Variants in HEBP2 observed in about 807,000 individuals in gnomAD.
HEBP2 encodes the protein heme-binding protein 2.
Under a neutral mutation model 23.1 loss-of-function variants are expected in HEBP2, and 27 were observed. The observed-to-expected ratio is 1.17, with a 90% CI of 0.86 to 1.61. HEBP2 has a LOEUF of 1.61. HEBP2 is among the 40% of genes most tolerant of loss of function. HEBP2 has a pLI of 0.00. For synonymous variants in HEBP2, 99 were observed against 95.1 expected (o/e 1.04, Z -0.24); for missense variants, 245 against 253.8 (o/e 0.97, Z 0.24).
intron 3 of HEBP2, among the ~76,000 whole-genome samples, chr6:138,408,455 A>T (rs1774686532): frequency 6.6e-6 from 1 of 152,120 alleles, no homozygotes; most frequent in African/African-American, 2.4e-5. Context: ...CTTTCCTCCA[A>T]GTTCCAACAA....
At chr6:138,405,882 A>C (rs1019848273) in intron 2 of HEBP2, 89 bp from the exon 3 acceptor site, 2 of 1,074,686 alleles carry the variant, frequency 1.9e-6, no homozygotes, top group African/African-American at 3.2e-5. Flanking sequence ...AATGTGAAGT[A>C]AATCAAGGAA....
chr6:138,403,979 G>A (rs951420838), upstream of HEBP2, among the ~76,000 whole-genome samples: 24 of 151,638 alleles, frequency 1.6e-4, no homozygotes, highest in Non-Finnish European at 2.8e-4. Flanking sequence ...CGGGGGTCGG[G>A]TCGCCAGCCG....
At chr6:138,410,806 G>T (rs1271988825) in intron 3 of HEBP2, among the ~76,000 whole-genome samples, 1 of 152,150 alleles carries the variant, frequency 6.6e-6, no homozygotes, top group African/African-American at 2.4e-5. Flanking sequence ...CTTAACCCAT[G>T]GTTCAGAATT....
intron 3 of HEBP2, chr6:138,412,309 ATT>A (rs1430056495): frequency 3.8e-6 from 1 of 259,874 alleles, no homozygotes; most frequent in African/African-American, 2.4e-5. Context: ...AGCACTTGAG[ATT>A]GTGTAGGTTC....
chr6:138,405,105 C>G (rs184504326), intron 1 of HEBP2, 40 bp from the exon 2 acceptor site: 157 of 1,604,922 alleles, frequency 9.8e-5, no homozygotes, highest in Admixed American at 6.3e-4. Context: ...CTCCTACCCT[C>G]TTAGAATTGC....
At chr6:138,404,217 G>A, upstream of HEBP2, 1 of 303,442 alleles carries the variant, frequency 3.3e-6, no homozygotes, top group Non-Finnish European at 6.0e-6. Flanking sequence ...GAAGCGAGGT[G>A]CGGCTCCCTG....
chr6:138,403,672 C>A (rs1774576811), upstream of HEBP2: 1 of 422,438 alleles, frequency 2.4e-6, no homozygotes, highest in Non-Finnish European at 4.2e-6. Flanking sequence ...AACAGAGCCG[C>A]ACCCCACTCG....
Position 138,411,087 on chromosome 6 carries a change from G to C in HEBP2, c.420-1793G>C, listed in dbSNP as rs116345855. On this transcript the variant is annotated intron_variant, in intron 3 of 3. Transcript: ENST00000607197. Reference sequence around the variant, plus strand: ...GATAACAGAACTTATACCAAAGAAGGCATATTAGGAAAAGTTTTGTTTCTC... The same window carrying C: ...GATAACAGAACTTATACCAAAGAAGCCATATTAGGAAAAGTTTTGTTTCTC... Among the ~76,000 whole-genome samples, 1,013 of 152,284 alleles carry C rather than the reference G, an allele frequency of 6.7e-3. 11 individuals carry two copies. Among genetic ancestry groups the C allele is most frequent in the African/African-American group, 0.022 (924 of 41,556 alleles).
chr6:138,410,654 T>C (rs1774730235), intron 3 of HEBP2, among the ~76,000 whole-genome samples: 1 of 152,020 alleles, frequency 6.6e-6, no homozygotes, highest in South Asian at 2.1e-4. Context: ...CCTGGCTAAT[T>C]TTTATATTTT....
At chr6:138,403,849 C>T (rs1193759491), upstream of HEBP2, among the ~76,000 whole-genome samples, 1 of 152,236 alleles carries the variant, frequency 6.6e-6, no homozygotes, top group Non-Finnish European at 1.5e-5. Flanking sequence ...CTCCATGTGT[C>T]TGTGGTCCCA....
chr6:138,413,030 T>TGAA lies in HEBP2; in HGVS notation c.572_574dup (p.Glu191dup), dbSNP rs776500306. The stretch of plus-strand genomic sequence containing the variant: ...CTGTCAAATTGCTTAATAGAAATAA[T>TGAA]GAAGTGTGGTTGATTCAAAAAAATG... On this transcript the variant is annotated inframe_insertion, in exon 4 of 4. Coordinates refer to ENST00000607197, the MANE Select transcript of HEBP2 (RefSeq NM_014320.3). The TGAA allele has an allele frequency of 1.2e-6, 2 of 1,613,932 alleles. No individual in the cohort carries two copies. The highest frequency in any genetic ancestry group is 2.2e-5 in the South Asian group (2 of 91,066).
At position 138,418,347 on chromosome 6, in the gene HEBP2, G is replaced by T. The variant is rs1418466217; in HGVS notation, c.*5269G>T. 6.6e-6 allele frequency: 1 copy of T among 152,180 alleles called. No homozygotes were observed. Among genetic ancestry groups the T allele is most frequent in the Non-Finnish European group, 1.5e-5 (1 of 68,046 alleles). 9.4% of individuals were successfully genotyped at this position (152,180 alleles called of 1,614,324 possible). A position where few individuals can be genotyped will look rare whatever the true frequency, so the allele number is the denominator to read the frequency against. On this transcript the variant is annotated 3_prime_UTR_variant, in exon 4 of 4. Transcript: ENST00000607197. ...GAGAATCACAGTGCAGGTCCCTGGG[G>T]CCCTGAAGGAAGGTGGTTCTAACCA...
rs1441691086 is a variant in HEBP2, at chr6:138,416,984, T to G, written c.*3906T>G. On this transcript the variant is annotated 3_prime_UTR_variant, in exon 4 of 4. Coordinates refer to ENST00000607197, the MANE Select transcript of HEBP2 (RefSeq NM_014320.3). Reference sequence around the variant, plus strand: ...CACAGTAATGATCCCCTCATTCTTTTTCTAAAGGATCTATGGCCATTTACT... The same window carrying G: ...CACAGTAATGATCCCCTCATTCTTTGTCTAAAGGATCTATGGCCATTTACT... The G allele has an allele frequency of 6.6e-6, 1 of 152,186 alleles. No homozygotes were observed. Among genetic ancestry groups the G allele is most frequent in the Admixed American group, 6.5e-5 (1 of 15,290 alleles). The allele number at this position is 152,186 out of a possible 1,614,324, so 9.4% of individuals were successfully genotyped here. A position where few individuals can be genotyped will look rare whatever the true frequency, so the allele number is the denominator to read the frequency against.
In HEBP2 at chr6:138,404,280, G is replaced by A. The variant is rs1490902260; in HGVS notation, c.-216G>A. The A allele has an allele frequency of 6.0e-6, 2 of 332,540 alleles. No homozygotes were observed. The highest frequency in any genetic ancestry group is 1.1e-5 in the Non-Finnish European group (2 of 184,320). The allele number at this position is 332,540 out of a possible 1,614,324, so 20.6% of individuals were successfully genotyped here. On this transcript the variant is annotated 5_prime_UTR_variant, in exon 1 of 4. Coordinates refer to ENST00000607197, the MANE Select transcript of HEBP2 (RefSeq NM_014320.3). ...CGCAACTCCGGCCGGAGCTGTCCGG[G>A]GTCGTGAGCCGGCCCCGCCTTGGTG...
chr6:138,404,012 T>A (rs1356241449), upstream of HEBP2, among the ~76,000 whole-genome samples: 1 of 151,616 alleles, frequency 6.6e-6, no homozygotes, highest in African/African-American at 2.4e-5. Context: ...TTTCTCTGCC[T>A]GCGGTGCGCT....
intron 3 of HEBP2, among the ~76,000 whole-genome samples, chr6:138,408,992 G>A (rs1774697756): frequency 1.3e-5 from 2 of 151,868 alleles, no homozygotes; most frequent in South Asian, 2.1e-4. Context: ...GCCTGTCTCA[G>A]TTGAGGGCCT....
At chr6:138,403,576 TG>T (rs1289924089), upstream of HEBP2, 4 of 463,338 alleles carry the variant, frequency 8.6e-6, no homozygotes, top group Admixed American at 4.0e-5. Flanking sequence ...GGGAGTCCTC[TG>T]GGGGGCGCCG....
At chr6:138,409,967 T>G (rs77945780) in intron 3 of HEBP2, among the ~76,000 whole-genome samples, 16 of 152,226 alleles carry the variant, frequency 1.1e-4, no homozygotes, top group Non-Finnish European at 2.4e-4. Flanking sequence ...AGTTAATTTA[T>G]GTAAAACACT....
At chr6:138,403,842 C>G (rs1774580242), upstream of HEBP2, 2 of 399,492 alleles carry the variant, frequency 5.0e-6, no homozygotes, top group South Asian at 2.8e-4. Flanking sequence ...AGATTCTCTC[C>G]ATGTGTCTGT....
Sources: allele counts gnomAD v4.1 joint callset (sites outside exome capture counted in the v4.1 genomes callset), GRCh38; gene constraint gnomAD v4.1.1; transcripts MANE v1.5; gene names NCBI Gene and HGNC (gene_info 2026-07-23, HGNC 2026-07-21).